The following ZFHX3 variants were observed in gnomAD, a reference collection of about 807,000 sequenced individuals.
The protein encoded by ZFHX3 is zinc finger homeobox protein 3.
In ZFHX3, 42 loss-of-function variants were observed where a neutral mutation model predicts 279.1. The ratio of observed to expected loss-of-function variants is 0.15; its 90% CI spans 0.12 to 0.19. The LOEUF (loss-of-function observed/expected upper bound fraction) is 0.19. Ranked by LOEUF, ZFHX3 falls within the 10% of genes least tolerant of loss-of-function variation. The pLI is 1.00. For missense variants in ZFHX3, 4,981 were observed against 4,754.0 expected (o/e 1.05, Z -1.40); for synonymous variants, 2,293 against 1,957.8 (o/e 1.17, Z -4.52).
chr16:73,655,901 G>A (rs958261265), intron 2 of ZFHX3, among the ~76,000 whole-genome samples: 14 of 152,226 alleles, frequency 9.2e-5, no homozygotes, highest in South Asian at 2.1e-4. Flanking sequence ...GTACATTTGC[G>A]CCAAAATACT....
intron 5 of ZFHX3, among the ~76,000 whole-genome samples, chr16:73,156,612 G>A (rs914570265): frequency 7.2e-5 from 11 of 152,194 alleles, no homozygotes; most frequent in African/African-American, 2.4e-4. Flanking sequence ...CTGCAGTGCA[G>A]TGGGGTGATC....
At chr16:73,603,432 T>C (rs2052144657) in intron 2 of ZFHX3, among the ~76,000 whole-genome samples, 1 of 152,152 alleles carries the variant, frequency 6.6e-6, no homozygotes, top group African/African-American at 2.4e-5. Context: ...AATTAAGACA[T>C]TGAGGCATTC....
At chr16:73,589,733 CAAAAAAAAAAAAAAAAAAAAAAA>C (rs59777135) in intron 2 of ZFHX3, among the ~76,000 whole-genome samples, 2 of 29,590 alleles carry the variant, frequency 6.8e-5, no homozygotes, top group South Asian at 3.2e-3. Context: ...GACTCCGTCT[CAAAAAAAAAAAAAAAAAAAAAAA>C]AAAAAAAAAA....
intron 3 of ZFHX3, among the ~76,000 whole-genome samples, chr16:73,416,508 G>A (rs1269804428): frequency 6.6e-6 from 1 of 152,188 alleles, no homozygotes; most frequent in Admixed American, 6.5e-5. Flanking sequence ...AAAAGTCCCT[G>A]TGAGGATACC....
chr16:73,842,335 T>C lies in ZFHX3; in HGVS notation c.-1608+49316A>G, dbSNP rs143146429. ...ATGGTGGCTGAGAAAGGGTAGGTCT[T>C]AGGTGAGCTGCTGGTGCCTCCCCAG... On this transcript the variant is annotated intron_variant, in intron 1 of 17. Transcript: ENST00000641206. Among the ~76,000 whole-genome samples the C allele has an allele frequency of 3.5e-4, 53 of 152,202 alleles. No homozygotes were observed. In the East Asian group the frequency reaches 0.01, roughly 29 times the overall value.
chr16:73,513,263 C>T (rs1296955269), intron 2 of ZFHX3, among the ~76,000 whole-genome samples: 1 of 152,098 alleles, frequency 6.6e-6, no homozygotes, highest in Non-Finnish European at 1.5e-5. Flanking sequence ...CACTCAGTAG[C>T]TGGATATTAT....
intron 2 of ZFHX3, among the ~76,000 whole-genome samples, chr16:73,485,113 A>C (rs1340406268): frequency 6.6e-6 from 1 of 152,192 alleles, no homozygotes; most frequent in Admixed American, 6.5e-5. Flanking sequence ...CAAAAATAGG[A>C]GGAGGACTGA....
intron 2 of ZFHX3, among the ~76,000 whole-genome samples, chr16:73,457,888 T>C (rs1597343032): frequency 6.6e-6 from 1 of 152,352 alleles, no homozygotes; most frequent in South Asian, 2.1e-4. Flanking sequence ...CTGAAAAGCT[T>C]GATTGGAGTT....
intron 1 of ZFHX3, among the ~76,000 whole-genome samples, chr16:73,041,646 G>C (rs1567646967): frequency 6.6e-6 from 1 of 152,114 alleles, no homozygotes; most frequent in Non-Finnish European, 1.5e-5. Context: ...GCATTTAAAA[G>C]CAGTCGCTTG....
intron 4 of ZFHX3, among the ~76,000 whole-genome samples, chr16:72,880,821 A>T (rs1296046876): frequency 6.6e-6 from 1 of 152,116 alleles, no homozygotes; most frequent in East Asian, 1.9e-4. Flanking sequence ...AACTATAAAA[A>T]CCCATTTAAC....
intron 1 of ZFHX3, among the ~76,000 whole-genome samples, chr16:73,811,081 A>C (rs968641764): frequency 6.6e-6 from 1 of 152,236 alleles, no homozygotes; most frequent in African/African-American, 2.4e-5. Context: ...AATAGAAAAA[A>C]AAAATTTCAT....
chr16:73,385,828 G>T (rs8063372), intron 3 of ZFHX3, among the ~76,000 whole-genome samples: 70,637 of 151,972 alleles, frequency 0.46, 16,889 homozygotes, highest in Non-Finnish European at 0.5. Flanking sequence ...TGATGAGGCA[G>T]TTTGGCCTTT....
intron 1 of ZFHX3, among the ~76,000 whole-genome samples, chr16:73,854,566 A>T (rs1302618642): frequency 1.3e-5 from 2 of 152,082 alleles, no homozygotes; most frequent in Non-Finnish European, 2.9e-5. Context: ...GATGGAAAAT[A>T]AGATGGCTAA....
intron 1 of ZFHX3, among the ~76,000 whole-genome samples, chr16:73,792,597 A>G (rs1272327884): frequency 6.6e-6 from 1 of 152,192 alleles, no homozygotes; most frequent in Non-Finnish European, 1.5e-5. Context: ...GCTACCTAGG[A>G]TAAAACAGTA....
At chr16:73,489,025 A>C (rs1281816371) in intron 2 of ZFHX3, among the ~76,000 whole-genome samples, 1 of 152,232 alleles carries the variant, frequency 6.6e-6, no homozygotes, top group African/African-American at 2.4e-5. Flanking sequence ...GCAAACTCTT[A>C]AAGTTGCTAT....
intron 3 of ZFHX3, among the ~76,000 whole-genome samples, chr16:73,423,927 T>C (rs1405291065): frequency 3.3e-5 from 5 of 151,626 alleles, no homozygotes; most frequent in Admixed American, 2.6e-4. Context: ...CTGGACAATA[T>C]TGGGTCTCTG....
chr16:73,554,008 C>T (rs1026555427), intron 2 of ZFHX3, among the ~76,000 whole-genome samples: 5 of 152,206 alleles, frequency 3.3e-5, no homozygotes, highest in African/African-American at 9.7e-5. Context: ...TGAACTGCTG[C>T]ACCAGGAGTC....
At chr16:72,822,154 T>C (rs534721404) in intron 5 of ZFHX3, among the ~76,000 whole-genome samples, 5 of 152,326 alleles carry the variant, frequency 3.3e-5, no homozygotes, top group African/African-American at 1.2e-4. Flanking sequence ...CAATTGATTG[T>C]TAACGAAACA....
At chr16:73,820,448 C>G (rs1055018976) in intron 1 of ZFHX3, among the ~76,000 whole-genome samples, 1 of 152,060 alleles carries the variant, frequency 6.6e-6, no homozygotes, top group Non-Finnish European at 1.5e-5. Context: ...CATTGCCTCT[C>G]AGAACCCAGC....
Sources: allele counts gnomAD v4.1 joint callset (sites outside exome capture counted in the v4.1 genomes callset), GRCh38; gene constraint gnomAD v4.1.1; transcripts MANE v1.5; gene names NCBI Gene and HGNC (gene_info 2026-07-23, HGNC 2026-07-21).